KIF13B: variants seen among roughly 807,000 people sequenced by gnomAD.
KIF13B encodes kinesin family member 13B.
In KIF13B, 127 loss-of-function variants were observed where a neutral mutation model predicts 222.0. That is an observed-to-expected ratio of 0.57 (90% CI 0.50 to 0.66). KIF13B has a LOEUF of 0.66. Among genes scored for constraint, KIF13B ranks in the 30% least tolerant of loss-of-function variants. The pLI is 0.00. For synonymous variants in KIF13B, 976 were observed against 919.0 expected (o/e 1.06, Z -1.12); for missense variants, 2,173 against 2,379.0 (o/e 0.91, Z 1.80).
At chr8:29,243,002 C>A (rs1160696875) in intron 2 of KIF13B, among the ~76,000 whole-genome samples, 1 of 152,112 alleles carries the variant, frequency 6.6e-6, no homozygotes, top group Non-Finnish European at 1.5e-5. Flanking sequence ...TAGGTGATTT[C>A]TTGGTAGACA....
chr8:29,077,411 C>T (rs1362623737), intron 37 of KIF13B, among the ~76,000 whole-genome samples: 2 of 152,222 alleles, frequency 1.3e-5, no homozygotes, highest in South Asian at 2.1e-4. Context: ...TAGTATTTAA[C>T]GTCCCCACAA....
intron 3 of KIF13B, among the ~76,000 whole-genome samples, chr8:29,191,898 C>T (rs1813207304): frequency 6.6e-6 from 1 of 152,198 alleles, no homozygotes; most frequent in Non-Finnish European, 1.5e-5. Flanking sequence ...ATTTTAAGTG[C>T]AATTGTTTTA....
intron 4 of KIF13B, 118 bp downstream of exon 4, chr8:29,190,879 G>A: frequency 1.2e-6 from 1 of 812,788 alleles, no homozygotes. Context: ...TGTTATTGTG[G>A]TGTGACAGCA....
chr8:29,073,624 A>G (rs1051700736), intron 38 of KIF13B, among the ~76,000 whole-genome samples: 52 of 152,344 alleles, frequency 3.4e-4, no homozygotes, highest in African/African-American at 1.1e-3. Context: ...AAAATTATTT[A>G]TATTACAGGA....
chr8:29,201,044 G>A (rs1813671970), intron 2 of KIF13B, among the ~76,000 whole-genome samples: 1 of 152,138 alleles, frequency 6.6e-6, no homozygotes, highest in South Asian at 2.1e-4. Flanking sequence ...AATCATGTGG[G>A]GGATAAACTT....
chr8:29,131,349 AG>A (rs1810336660), intron 23 of KIF13B, among the ~76,000 whole-genome samples: 1 of 150,996 alleles, frequency 6.6e-6, no homozygotes, highest in African/African-American at 2.4e-5. Context: ...AAAAAAAAAA[AG>A]GAAAAAAAAA....
chr8:29,263,242 C>T (rs999941049), upstream of KIF13B: 10 of 536,174 alleles, frequency 1.9e-5, no homozygotes, highest in East Asian at 6.9e-5. Flanking sequence ...GCAGCGAAGG[C>T]GGGGGCGGGA....
At chr8:29,116,361 G>A (rs774992907) in intron 31 of KIF13B, among the ~76,000 whole-genome samples, 17 of 152,116 alleles carry the variant, frequency 1.1e-4, no homozygotes, top group Non-Finnish European at 1.9e-4. Flanking sequence ...CCCAGCTACC[G>A]GGGAGGCTGA....
intron 18 of KIF13B, among the ~76,000 whole-genome samples, chr8:29,144,245 C>T (rs559688722): frequency 1.6e-4 from 25 of 151,938 alleles, no homozygotes; most frequent in Middle Eastern, 3.4e-3. Context: ...AGAATTCTTA[C>T]GGTCAAAATG....
chr8:29,080,728 A>G (rs1807771193), intron 37 of KIF13B, among the ~76,000 whole-genome samples: 1 of 152,146 alleles, frequency 6.6e-6, no homozygotes, highest in African/African-American at 2.4e-5. Flanking sequence ...TCCCATCTAC[A>G]TGAGTTCTCT....
chr8:29,115,592 T>C (rs1166505148), intron 31 of KIF13B, among the ~76,000 whole-genome samples: 1 of 152,018 alleles, frequency 6.6e-6, no homozygotes, highest in African/African-American at 2.4e-5. Flanking sequence ...TCCCAAAGTG[T>C]TGGGATTACA....
intron 1 of KIF13B, among the ~76,000 whole-genome samples, chr8:29,248,911 G>C (rs1481691458): frequency 6.6e-6 from 1 of 152,128 alleles, no homozygotes; most frequent in Non-Finnish European, 1.5e-5. Context: ...TTTCTTTCAG[G>C]GCTGATGAAA....
In KIF13B at chr8:29,098,170, C is replaced by CAAAAAAAA. The variant is rs147089450; in HGVS notation, c.4324+955_4324+962dup. On this transcript the variant is annotated intron_variant, in intron 36 of 39. Transcript: ENST00000524189. The stretch of plus-strand genomic sequence containing the variant: ...TGGGCGACAGAGTCAGACTCCATCT[C>CAAAAAAAA]AAAAAAAAAAAAAAAAAAAAGTAAG... Among the ~76,000 whole-genome samples, 132 of 30,292 alleles carry CAAAAAAAA rather than the reference C, an allele frequency of 4.4e-3. 7 individuals are homozygous for CAAAAAAAA. The highest frequency in any genetic ancestry group is 0.018 in the African/African-American group (108 of 6,096). The allele number at this position is 30,292 out of a possible 152,430, so 19.9% of individuals were successfully genotyped here.
intron 10 of KIF13B, among the ~76,000 whole-genome samples, chr8:29,175,557 T>C (rs193088920): frequency 1.3e-5 from 2 of 152,378 alleles, no homozygotes; most frequent in African/African-American, 2.4e-5. Context: ...CTGTGTGCTC[T>C]ACTCTGCAGC....
rs1039221452 is a variant in KIF13B at position 29,071,341 on chromosome 8, G to C, written c.5218+279C>G. Among the ~76,000 whole-genome samples the C allele has an allele frequency of 6.6e-6, 1 of 152,136 alleles. No individual in the cohort carries two copies. Among genetic ancestry groups the C allele is most frequent in the African/African-American group, 2.4e-5 (1 of 41,424 alleles). On this transcript the variant is annotated intron_variant, in intron 39 of 39. Transcript: ENST00000524189. The surrounding 1 kb of genome is among the most constrained non-coding windows in gnomAD (Gnocchi z 4.9). Reference sequence around the variant, plus strand: ...AGAGCCCAGGGAGTGCAGAGGGCAGGGGAGACCGGAACAAAAGCGGGAACA... The same window carrying C: ...AGAGCCCAGGGAGTGCAGAGGGCAGCGGAGACCGGAACAAAAGCGGGAACA...
At chr8:29,140,245 TTGAGA>T (rs1810754408) in intron 20 of KIF13B, 54 bp from the exon 21 acceptor site, 2 of 1,605,316 alleles carry the variant, frequency 1.2e-6, no homozygotes, top group South Asian at 2.2e-5. Flanking sequence ...TCGTGCTCCC[TTGAGA>T]TGACCTCTCT....
intron 6 of KIF13B, among the ~76,000 whole-genome samples, chr8:29,185,539 CA>C (rs1812888862): frequency 6.6e-6 from 1 of 152,180 alleles, no homozygotes; most frequent in Non-Finnish European, 1.5e-5. Flanking sequence ...TAAAGATTAT[CA>C]TCTTGGTCAA....
At chr8:29,088,464 A>G (rs1456334460) in intron 37 of KIF13B, among the ~76,000 whole-genome samples, 1 of 152,156 alleles carries the variant, frequency 6.6e-6, no homozygotes. Context: ...ACTTCCTGGT[A>G]AGAACAAACT....
chr8:29,227,190 C>A (rs1815063632), intron 2 of KIF13B, among the ~76,000 whole-genome samples: 1 of 152,158 alleles, frequency 6.6e-6, no homozygotes, highest in African/African-American at 2.4e-5. Flanking sequence ...ATACTTATTT[C>A]AATTATAGTC....
Sources: allele counts gnomAD v4.1 joint callset (sites outside exome capture counted in the v4.1 genomes callset), GRCh38; gene constraint gnomAD v4.1.1; non-coding constraint Gnocchi (gnomAD v3.1); transcripts MANE v1.5; gene names NCBI Gene and HGNC (gene_info 2026-07-23, HGNC 2026-07-21).